The following RHAG variants were observed in gnomAD, a reference collection of about 807,000 sequenced individuals.
RHAG encodes the protein Rh associated glycoprotein, also known as ammonium transporter Rh type A.
RHAG carries 25 observed loss-of-function variants against 42.4 expected under a neutral mutation model. The observed-to-expected ratio is 0.59, with a 90% CI of 0.43 to 0.82. The LOEUF is 0.82. Among genes scored for constraint, RHAG ranks in the 40% least tolerant of loss-of-function variants. The pLI is 0.00. For synonymous variants in RHAG, 182 were observed against 177.7 expected (o/e 1.02, Z -0.19); for missense variants, 483 against 504.6 (o/e 0.96, Z 0.41).
intron 1 of RHAG, among the ~76,000 whole-genome samples, chr6:49,628,157 CACACAGAG>C (rs753597851): frequency 8.4e-6 from 1 of 119,602 alleles, no homozygotes; most frequent in Non-Finnish European, 1.7e-5. Context: ...CACACACACA[CACACAGAG>C]AGAGAGAGAG....
chr6:49,623,103 G>T (rs1274905614), intron 1 of RHAG, among the ~76,000 whole-genome samples: 1 of 152,108 alleles, frequency 6.6e-6, no homozygotes, highest in Non-Finnish European at 1.5e-5. Flanking sequence ...CTCCCAAAGT[G>T]CTGGGACTAC....
intron 1 of RHAG, among the ~76,000 whole-genome samples, chr6:49,626,820 T>TC (rs1398191659): frequency 6.6e-6 from 1 of 152,264 alleles, no homozygotes; most frequent in African/African-American, 2.4e-5. Context: ...TTCCCAAACT[T>TC]CAATTCTTGA....
At chr6:49,611,198 T>G in intron 6 of RHAG, 53 bp from the exon 7 acceptor site, 1 of 1,466,060 alleles carries the variant, frequency 6.8e-7, no homozygotes, top group African/African-American at 1.4e-5. Flanking sequence ...TATAGAACTC[T>G]AGAACTGAAA....
chr6:49,632,776 A>T (rs528030422), intron 1 of RHAG, among the ~76,000 whole-genome samples: 3 of 152,268 alleles, frequency 2.0e-5, no homozygotes, highest in Middle Eastern at 3.4e-3. Context: ...CTCTAATAAA[A>T]TGTAAGCAGT....
intron 1 of RHAG, among the ~76,000 whole-genome samples, chr6:49,629,366 T>C (rs1427583092): frequency 6.6e-6 from 1 of 152,150 alleles, no homozygotes; most frequent in African/African-American, 2.4e-5. Context: ...CAGGTGCTGA[T>C]TGGTGTGTTT....
At position 49,605,642 on chromosome 6, in the gene RHAG, T is replaced by C; in HGVS notation, c.*171A>G. 9.7e-6 allele frequency: 7 copies of C among 723,802 alleles called. No homozygotes were observed. Among genetic ancestry groups the C allele is most frequent in the Non-Finnish European group, 1.8e-5 (7 of 390,574 alleles). 44.8% of individuals were successfully genotyped at this position (723,802 alleles called of 1,614,324 possible). A position where few individuals can be genotyped will look rare whatever the true frequency, so the allele number is the denominator to read the frequency against. ...ATAAGGACATTTTTACACTGGCCAT[T>C]TGGGACTTAGGATCTATTCACTCTG... On this transcript the variant is annotated 3_prime_UTR_variant, in exon 10 of 10. Transcript: ENST00000371175.
At position 49,614,767 on chromosome 6, in the gene RHAG, T is replaced by C; in HGVS notation, c.727A>G (p.Thr243Ala). 1 of 1,614,016 alleles carries C rather than the reference T, an allele frequency of 6.2e-7. No homozygotes were observed. Among genetic ancestry groups the C allele is most frequent in the Non-Finnish European group, 8.5e-7 (1 of 1,180,000 alleles). Residue 243 changes from threonine to alanine, a missense_variant, in exon 5 of 10, where the codon ACG (threonine) becomes GCG (alanine). By Grantham distance (58) the Thr-to-Ala change is moderately conservative. Transcript: ENST00000371175. ...ACACAGGCAGCGAGAGAGAAGTACGTGTTTACAATGGCCCTGCACTGTTTG... is the reference window on the plus strand; with the variant it reads ...ACACAGGCAGCGAGAGAGAAGTACGCGTTTACAATGGCCCTGCACTGTTTG... ...GDKQCRAIVN[T>A]YFSLAACVLT...
At chr6:49,613,389 G>A (rs945386983) in intron 5 of RHAG, among the ~76,000 whole-genome samples, 1 of 152,086 alleles carries the variant, frequency 6.6e-6, no homozygotes, top group Admixed American at 6.6e-5. Context: ...TTTTTGTTTA[G>A]CAGAATTTCT....
At chr6:49,631,113 A>G (rs1340544007) in intron 1 of RHAG, among the ~76,000 whole-genome samples, 1 of 152,188 alleles carries the variant, frequency 6.6e-6, no homozygotes, top group Non-Finnish European at 1.5e-5. Flanking sequence ...CACATGAGGA[A>G]GCACATAATT....
chr6:49,627,217 C>T (rs141588334), intron 1 of RHAG, among the ~76,000 whole-genome samples: 267 of 152,268 alleles, frequency 1.8e-3, no homozygotes, highest in African/African-American at 6.0e-3. Flanking sequence ...ATCATCAGGC[C>T]GAAAATTTTC....
intron 5 of RHAG, among the ~76,000 whole-genome samples, chr6:49,614,470 G>A (rs1286960380): frequency 2.6e-5 from 4 of 151,970 alleles, no homozygotes; most frequent in African/African-American, 4.8e-5. Context: ...CCAAAGTGCT[G>A]GGATTACAGG....
At position 49,611,213 on chromosome 6, in the gene RHAG, G is replaced by A. The variant is rs1012483729; in HGVS notation, c.946-68C>T. 3.1e-6 allele frequency: 4 copies of A among 1,288,632 alleles called. No individual in the cohort carries two copies. The African/African-American group carries it at 5.9e-5, about 19-fold the overall frequency. The allele number at this position is 1,288,632 out of a possible 1,614,324, so 79.8% of individuals were successfully genotyped here. ...TATAGAACTCTAGAACTGAAACAGA[G>A]CTATAGCTGGGCTCTATTCTTCCAT... On this transcript the variant is annotated intron_variant, in intron 6 of 9. Coordinates refer to ENST00000371175, the MANE Select transcript of RHAG (RefSeq NM_000324.3).
At chr6:49,622,423 G>T (rs1252161433) in intron 1 of RHAG, among the ~76,000 whole-genome samples, 1 of 152,098 alleles carries the variant, frequency 6.6e-6, no homozygotes, top group Non-Finnish European at 1.5e-5. Flanking sequence ...TGTTGGTCAG[G>T]CTGGTCTCGA....
At position 49,605,391 on chromosome 6, in the gene RHAG, A is replaced by G; in HGVS notation, c.*422T>C. 4.6e-6 allele frequency: 1 copy of G among 217,778 alleles called. No homozygotes were observed. The highest frequency in any genetic ancestry group is 9.3e-6 in the Non-Finnish European group (1 of 107,132). The allele number at this position is 217,778 out of a possible 1,614,324, so 13.5% of individuals were successfully genotyped here. A position where few individuals can be genotyped will look rare whatever the true frequency, so the allele number is the denominator to read the frequency against. On this transcript the variant is annotated 3_prime_UTR_variant, in exon 10 of 10. Coordinates refer to ENST00000371175, the MANE Select transcript of RHAG (RefSeq NM_000324.3). Reference sequence around the variant, plus strand: ...TTTACACACATGCATTTCTTTAATTATTTTTTTACATAGATTTCTCACATC... The same window carrying G: ...TTTACACACATGCATTTCTTTAATTGTTTTTTTACATAGATTTCTCACATC...
At position 49,611,079 on chromosome 6, in the gene RHAG, CAG is replaced by C; in HGVS notation, c.1010_1011del (p.Pro337ArgfsTer56). 1 of 1,613,832 alleles carries C rather than the reference CAG, an allele frequency of 6.2e-7. No homozygotes were observed. The highest frequency in any genetic ancestry group is 8.5e-7 in the Non-Finnish European group (1 of 1,179,844). On this transcript the variant is annotated frameshift_variant, in exon 7 of 10. Coordinates refer to ENST00000371175, the MANE Select transcript of RHAG (RefSeq NM_000324.3). LOFTEE classifies it high-confidence loss of function. ...TCGVHNLHGL[P>X]GVVGGLAGIV... ...ATGCCTGCAAGGCCTCCCACTACACCAGGTAAGCCGTGGAGGTTATGGACCCC... is the reference window on the plus strand; with the variant it reads ...ATGCCTGCAAGGCCTCCCACTACACCGTAAGCCGTGGAGGTTATGGACCCC...
At chr6:49,626,975 G>C (rs73435811) in intron 1 of RHAG, among the ~76,000 whole-genome samples, 1 of 152,208 alleles carries the variant, frequency 6.6e-6, no homozygotes, top group Non-Finnish European at 1.5e-5. Flanking sequence ...GCACCATGTC[G>C]TGAGGTTGCA....
intron 5 of RHAG, among the ~76,000 whole-genome samples, chr6:49,614,275 C>A (rs1762614280): frequency 6.6e-6 from 1 of 151,868 alleles, no homozygotes; most frequent in Non-Finnish European, 1.5e-5. Context: ...TCACTGCAAC[C>A]TCCACCTCCC....
At position 49,628,159 on chromosome 6, in the gene RHAG, CACAGAG is replaced by C. The variant is rs777865442; in HGVS notation, c.157+8491_157+8496del. Among the ~76,000 whole-genome samples, 434 of 123,860 alleles carry C rather than the reference CACAGAG, an allele frequency of 3.5e-3. 1 individual carries two copies. Among genetic ancestry groups the C allele is most frequent in the African/African-American group, 0.013 (419 of 31,824 alleles). The allele number at this position is 123,860 out of a possible 152,430, so 81.3% of individuals were successfully genotyped here. A position where few individuals can be genotyped will look rare whatever the true frequency, so the allele number is the denominator to read the frequency against. ...AGACACACACACACACACACACACA[CACAGAG>C]AGAGAGAGAGAGACAGGGTCTTGCT... On this transcript the variant is annotated intron_variant, in intron 1 of 9. Transcript: ENST00000371175.
rs1388633931 is a variant in RHAG, at chr6:49,612,465, G to C, written c.877C>G (p.Pro293Ala). The C allele has an allele frequency of 6.2e-7, 1 of 1,613,886 alleles. No individual in the cohort carries two copies. The highest frequency in any genetic ancestry group is 8.5e-7 in the Non-Finnish European group (1 of 1,179,918). Residue 293 changes from proline (P) to alanine (A), a missense_variant, in exon 6 of 10, where the codon CCA (proline) becomes GCA (alanine). Pro to Ala is a conservative substitution (Grantham distance 27, BLOSUM62 -1). Coordinates refer to ENST00000371175, the MANE Select transcript of RHAG (RefSeq NM_000324.3). ...CTCCCAATAATCATAGAACCAAATG[G>C]GTGAATTGCCATATCCGCACAAGTG... The part of the protein sequence containing the change: ...VGTCADMAIH[P>A]FGSMIIGSIA...
Sources: gnomAD v4.1 joint callset for allele counts (sites outside exome capture counted in the v4.1 genomes callset) on GRCh38, gnomAD v4.1.1 for gene constraint, MANE v1.5 for transcripts, NCBI Gene and HGNC (gene_info 2026-07-23, HGNC 2026-07-21) for gene names.